Variants in CNTNAP5 observed in about 807,000 individuals in gnomAD.
CNTNAP5 encodes contactin-associated protein-like 5.
In CNTNAP5, 72 loss-of-function variants were observed where a neutral mutation model predicts 150.2. The observed-to-expected ratio is 0.48, with a 90% CI of 0.40 to 0.58. The LOEUF (loss-of-function observed/expected upper bound fraction) is 0.58. Among genes scored for constraint, CNTNAP5 ranks in the 20% least tolerant of loss-of-function variants. The probability of loss-of-function intolerance (pLI) is 0.00; values close to 1 mark genes in which losing one functional copy is unlikely to be tolerated. For missense variants in CNTNAP5, 1,636 were observed against 1,626.2 expected (o/e 1.01, Z -0.10); for synonymous variants, 672 against 619.8 (o/e 1.08, Z -1.25).
intron 6 of CNTNAP5, among the ~76,000 whole-genome samples, chr2:124,456,693 A>T (rs968997542): frequency 1.3e-5 from 2 of 152,228 alleles, no homozygotes; most frequent in African/African-American, 2.4e-5. Context: ...TAACCAAAAC[A>T]GCATGGTACT....
At chr2:124,549,168 G>A (rs1371280322) in intron 10 of CNTNAP5, among the ~76,000 whole-genome samples, 5 of 152,168 alleles carry the variant, frequency 3.3e-5, no homozygotes, top group Non-Finnish European at 5.9e-5. Flanking sequence ...AGCATCCTGG[G>A]TAATCCAGGC....
At chr2:124,868,900 C>T (rs531116657) in intron 20 of CNTNAP5, among the ~76,000 whole-genome samples, 1 of 152,156 alleles carries the variant, frequency 6.6e-6, no homozygotes, top group South Asian at 2.1e-4. Context: ...AGAGTAGAGC[C>T]TGGAAGAAAC....
chr2:124,056,595 G>A (rs565389105), intron 1 of CNTNAP5, among the ~76,000 whole-genome samples: 8 of 152,260 alleles, frequency 5.3e-5, no homozygotes, highest in African/African-American at 1.7e-4. Context: ...GCAATGAGCC[G>A]AGATCATGCC....
chr2:124,857,493 C>T (rs906702485), intron 19 of CNTNAP5, among the ~76,000 whole-genome samples: 3 of 151,956 alleles, frequency 2.0e-5, no homozygotes, highest in African/African-American at 7.3e-5. Context: ...CTAGCAAGCT[C>T]CTTTGGCATG....
At chr2:124,271,994 C>T (rs1051481021) in intron 3 of CNTNAP5, among the ~76,000 whole-genome samples, 7 of 152,068 alleles carry the variant, frequency 4.6e-5, no homozygotes, top group East Asian at 1.9e-4. Context: ...GGATTACAGG[C>T]GGGAGCCACT....
chr2:124,251,816 C>T (rs578260345), intron 3 of CNTNAP5, among the ~76,000 whole-genome samples: 1 of 152,278 alleles, frequency 6.6e-6, no homozygotes, highest in Admixed American at 6.5e-5. Context: ...CATTTTTGTC[C>T]TACCTGCCTG....
At chr2:124,748,567 A>G (rs1287526431) in intron 14 of CNTNAP5, among the ~76,000 whole-genome samples, 5 of 152,160 alleles carry the variant, frequency 3.3e-5, no homozygotes, top group Non-Finnish European at 7.4e-5. Context: ...CTTAATTTTA[A>G]TTAAAAATTC....
intron 6 of CNTNAP5, among the ~76,000 whole-genome samples, chr2:124,447,366 C>T (rs774138082): frequency 2.0e-5 from 3 of 152,178 alleles, no homozygotes; most frequent in Non-Finnish European, 2.9e-5. Flanking sequence ...TTCATTCTTC[C>T]GATGCAAGCT....
intron 1 of CNTNAP5, among the ~76,000 whole-genome samples, chr2:124,168,610 G>A (rs1250752480): frequency 6.6e-6 from 1 of 152,088 alleles, no homozygotes; most frequent in Non-Finnish European, 1.5e-5. Flanking sequence ...ATCTCATTTG[G>A]GGATTAGACC....
At chr2:124,552,078 G>C (rs1165037637) in intron 10 of CNTNAP5, among the ~76,000 whole-genome samples, 1 of 152,058 alleles carries the variant, frequency 6.6e-6, no homozygotes, top group African/African-American at 2.4e-5. Context: ...ATTTTTACAA[G>C]AGACTTAGAA....
chr2:124,863,759 A>G (rs1677572301), intron 19 of CNTNAP5, among the ~76,000 whole-genome samples: 1 of 152,090 alleles, frequency 6.6e-6, no homozygotes, highest in African/African-American at 2.4e-5. Flanking sequence ...GCCTTACTGG[A>G]TTGGCAGTCT....
Position 124,707,080 on chromosome 2 carries a change from G to C in CNTNAP5, c.2078-40149G>C, listed in dbSNP as rs957414519. On this transcript the variant is annotated intron_variant, in intron 13 of 23. Coordinates refer to ENST00000682447, the MANE Select transcript of CNTNAP5 (RefSeq NM_001367498.1). ...AGGAGGAGAGGAAGAGGAAGAAGAA[G>C]AAGAGGAAGAAGAAGAAGAGGAAGA... Among the ~76,000 whole-genome samples the C allele has an allele frequency of 1.8e-4, 25 of 138,672 alleles. 3 individuals carry two copies. The highest frequency in any genetic ancestry group is 3.1e-4 in the Non-Finnish European group (20 of 65,208). The allele number at this position is 138,672 out of a possible 152,430, so 91.0% of individuals were successfully genotyped here. A position where few individuals can be genotyped will look rare whatever the true frequency, so the allele number is the denominator to read the frequency against.
intron 3 of CNTNAP5, among the ~76,000 whole-genome samples, chr2:124,408,122 G>A (rs933670984): frequency 1.6e-4 from 24 of 152,180 alleles, no homozygotes; most frequent in African/African-American, 3.9e-4. Flanking sequence ...AAGGGGTGAC[G>A]GAAGGCACCT....
chr2:124,075,183 T>C (rs1379012807), intron 1 of CNTNAP5, among the ~76,000 whole-genome samples: 1 of 152,192 alleles, frequency 6.6e-6, no homozygotes, highest in Non-Finnish European at 1.5e-5. Flanking sequence ...GTGTTTCATT[T>C]CTTTATTAAA....
At chr2:124,521,412 C>G (rs1042620048) in intron 8 of CNTNAP5, among the ~76,000 whole-genome samples, 1 of 152,142 alleles carries the variant, frequency 6.6e-6, no homozygotes, top group African/African-American at 2.4e-5. Flanking sequence ...AACCACCAAC[C>G]AAGCAAACCC....
chr2:124,044,065 G>A (rs1681463244), intron 1 of CNTNAP5, among the ~76,000 whole-genome samples: 1 of 152,094 alleles, frequency 6.6e-6, no homozygotes, highest in African/African-American at 2.4e-5. Flanking sequence ...TGTATTATAT[G>A]CTGTCTTTTA....
chr2:124,849,128 A>C (rs1683105931), intron 19 of CNTNAP5, among the ~76,000 whole-genome samples: 1 of 152,028 alleles, frequency 6.6e-6, no homozygotes, highest in Non-Finnish European at 1.5e-5. Flanking sequence ...TTCAGATCTT[A>C]TATTTAACTC....
intron 13 of CNTNAP5, among the ~76,000 whole-genome samples, chr2:124,689,472 A>AATAT (rs1679255466): frequency 1.3e-5 from 2 of 152,228 alleles, no homozygotes; most frequent in South Asian, 2.1e-4. Context: ...TGTAACATAA[A>AATAT]ATAGTATCTG....
intron 7 of CNTNAP5, among the ~76,000 whole-genome samples, chr2:124,503,713 T>A (rs1694331325): frequency 6.6e-6 from 1 of 152,172 alleles, no homozygotes; most frequent in South Asian, 2.1e-4. Context: ...ACCCGGACCT[T>A]CCTGTCCCAC....
Sources: allele counts gnomAD v4.1 joint callset (sites outside exome capture counted in the v4.1 genomes callset), GRCh38; gene constraint gnomAD v4.1.1; transcripts MANE v1.5; gene names NCBI Gene and HGNC (gene_info 2026-07-23, HGNC 2026-07-21).